FRMD4A: variants seen among roughly 807,000 people sequenced by gnomAD.
FRMD4A encodes FERM domain containing 4A.
A neutral mutation model predicts 129.1 loss-of-function variants in FRMD4A; 29 were observed. The observed-to-expected ratio is 0.22, with a 90% CI of 0.17 to 0.31. The LOEUF (loss-of-function observed/expected upper bound fraction) is 0.31. Ranked by LOEUF, FRMD4A falls within the 10% of genes least tolerant of loss-of-function variation. The pLI, the probability that FRMD4A is intolerant of heterozygous loss-of-function variation, is 1.00. For synonymous variants in FRMD4A, 634 were observed against 571.6 expected, an observed-to-expected ratio of 1.11 and a Z score of -1.56; for missense variants, 1,272 against 1,375.8, an observed-to-expected ratio of 0.92 and a Z score of 1.19.
intron 2 of FRMD4A, among the ~76,000 whole-genome samples, chr10:13,898,528 G>A (rs2094783843): frequency 6.6e-6 from 1 of 152,196 alleles, no homozygotes; most frequent in Non-Finnish European, 1.5e-5. Context: ...ATGTGATTTT[G>A]TGTGTATGCC....
intron 2 of FRMD4A, among the ~76,000 whole-genome samples, chr10:14,064,921 A>G (rs1834985754): frequency 6.6e-6 from 1 of 152,168 alleles, no homozygotes; most frequent in Non-Finnish European, 1.5e-5. Context: ...TCATTCATTG[A>G]AATGGCAGCA....
At chr10:13,660,971 G>A (rs1347534735) in intron 19 of FRMD4A, among the ~76,000 whole-genome samples, 1 of 152,090 alleles carries the variant, frequency 6.6e-6, no homozygotes, top group East Asian at 1.9e-4. Context: ...AGTTTTGTCT[G>A]TTTCATCTGC....
At chr10:13,941,979 G>A (rs921420827) in intron 2 of FRMD4A, among the ~76,000 whole-genome samples, 1 of 152,164 alleles carries the variant, frequency 6.6e-6, no homozygotes, top group Non-Finnish European at 1.5e-5. Flanking sequence ...AGCACATGGT[G>A]GACCACAGCA....
chr10:14,039,144 T>C (rs1183986605), intron 2 of FRMD4A, among the ~76,000 whole-genome samples: 2 of 152,230 alleles, frequency 1.3e-5, no homozygotes, highest in Non-Finnish European at 2.9e-5. Flanking sequence ...CATCGGGCTA[T>C]TGATACTGTG....
At chr10:13,983,290 C>G (rs2095568735) in intron 2 of FRMD4A, among the ~76,000 whole-genome samples, 1 of 152,090 alleles carries the variant, frequency 6.6e-6, no homozygotes, top group Non-Finnish European at 1.5e-5. Flanking sequence ...TGCAATAAAG[C>G]AAAGTTCATC....
chr10:14,255,599 A>C (rs1844582154), intron 2 of FRMD4A, among the ~76,000 whole-genome samples: 1 of 152,208 alleles, frequency 6.6e-6, no homozygotes, highest in Admixed American at 6.5e-5. Flanking sequence ...GCTGAGAATT[A>C]AGCTATGGCG....
intron 23 of FRMD4A, chr10:13,652,253 T>C: frequency 2.1e-6 from 1 of 483,098 alleles, no homozygotes. Context: ...CCAAAATTGC[T>C]GTTTTTCAAA....
chr10:14,060,928 C>T (rs1010138504), intron 2 of FRMD4A, among the ~76,000 whole-genome samples: 4 of 152,014 alleles, frequency 2.6e-5, no homozygotes, highest in African/African-American at 7.2e-5. Flanking sequence ...TGTTAATAGA[C>T]TGACTCACTA....
At chr10:14,062,260 G>A (rs927362225) in intron 2 of FRMD4A, among the ~76,000 whole-genome samples, 17 of 152,140 alleles carry the variant, frequency 1.1e-4, no homozygotes, top group East Asian at 7.7e-4. Context: ...GAGGTCTATC[G>A]TTTAGGGGGA....
intron 2 of FRMD4A, among the ~76,000 whole-genome samples, chr10:14,291,175 T>C (rs1845840690): frequency 6.6e-6 from 1 of 152,170 alleles, no homozygotes; most frequent in Non-Finnish European, 1.5e-5. Context: ...TTTCTGGATA[T>C]AGATTCAGAA....
At chr10:14,298,875 G>T (rs1846094654) in intron 2 of FRMD4A, among the ~76,000 whole-genome samples, 1 of 152,138 alleles carries the variant, frequency 6.6e-6, no homozygotes, top group Non-Finnish European at 1.5e-5. Flanking sequence ...CTTGGGAGGG[G>T]CTCCCTTTCC....
At chr10:14,162,538 G>T (rs1382594056) in intron 2 of FRMD4A, among the ~76,000 whole-genome samples, 1 of 152,086 alleles carries the variant, frequency 6.6e-6, no homozygotes, top group African/African-American at 2.4e-5. Flanking sequence ...GATTGAAGGG[G>T]ATGTGTGGGG....
At chr10:14,226,434 A>G (rs1202303670) in intron 2 of FRMD4A, among the ~76,000 whole-genome samples, 3 of 152,238 alleles carry the variant, frequency 2.0e-5, no homozygotes, top group Non-Finnish European at 2.9e-5. Context: ...TGCCTGTTCC[A>G]GAGACCAGGT....
At chr10:13,803,148 C>CAA (rs5783350) in intron 4 of FRMD4A, among the ~76,000 whole-genome samples, 43,402 of 128,106 alleles carry the variant, frequency 0.34, 8,338 homozygotes, top group Non-Finnish European at 0.42. Flanking sequence ...GATTCCATCT[C>CAA]AAAAAAAAAA....
intron 2 of FRMD4A, among the ~76,000 whole-genome samples, chr10:13,893,106 G>A (rs539389167): frequency 1.3e-5 from 2 of 152,158 alleles, no homozygotes; most frequent in East Asian, 3.9e-4. Context: ...GTGTGATCAC[G>A]GCTCACTGTA....
At chr10:14,317,996 A>T (rs1846811025) in intron 2 of FRMD4A, among the ~76,000 whole-genome samples, 1 of 152,144 alleles carries the variant, frequency 6.6e-6, no homozygotes, top group Admixed American at 6.6e-5. Context: ...CTTCATGCCC[A>T]TGGGATGTGT....
intron 2 of FRMD4A, among the ~76,000 whole-genome samples, chr10:14,310,714 G>C (rs1186479647): frequency 6.6e-6 from 1 of 152,128 alleles, no homozygotes; most frequent in Non-Finnish European, 1.5e-5. Context: ...GCCCGAACCA[G>C]TTTTTTGCGC....
intron 8 of FRMD4A, among the ~76,000 whole-genome samples, chr10:13,759,470 C>T (rs1024509121): frequency 2.0e-5 from 3 of 152,140 alleles, no homozygotes; most frequent in Non-Finnish European, 4.4e-5. Context: ...CGTCAGGGTA[C>T]TCTCAAAATA....
At chr10:13,858,808 C>T (rs746353133) in intron 3 of FRMD4A, 39 bp downstream of exon 3, 1 of 1,198,600 alleles carries the variant, frequency 8.3e-7, no homozygotes. Flanking sequence ...CCACATCAGT[C>T]ACCAAAGAAA....
Sources: gnomAD v4.1 joint callset for allele counts (sites outside exome capture counted in the v4.1 genomes callset) on GRCh38, gnomAD v4.1.1 for gene constraint, MANE v1.5 for transcripts, NCBI Gene and HGNC (gene_info 2026-07-23, HGNC 2026-07-21) for gene names.